GPC3: variants seen among roughly 807,000 people sequenced by gnomAD.
The protein encoded by GPC3 is glypican-3.
In GPC3, 3 loss-of-function variants were observed where a neutral mutation model predicts 34.4. The ratio of observed to expected loss-of-function variants is 0.09; its 90% CI spans 0.04 to 0.23. The LOEUF (loss-of-function observed/expected upper bound fraction) is 0.23. Among genes scored for constraint, GPC3 ranks in the 10% least tolerant of loss-of-function variants. The pLI is 1.00. For missense variants in GPC3, 351 were observed against 445.6 expected (o/e 0.79, Z 1.91); for synonymous variants, 177 against 174.0 (o/e 1.02, Z -0.13).
chrX:133,855,164 CTT>C (rs745814769), intron 2 of GPC3, among the ~76,000 whole-genome samples: 2 of 110,348 alleles, frequency 1.8e-5, no homozygotes, highest in African/African-American at 6.6e-5. Context: ...CTTCTCTTCT[CTT>C]GTCTTTTCTT....
chrX:133,629,542 C>T (rs369616430), intron 6 of GPC3, among the ~76,000 whole-genome samples: 2 of 108,985 alleles, frequency 1.8e-5, no homozygotes, highest in Non-Finnish European at 1.9e-5. Flanking sequence ...ACTACGGGCA[C>T]GCATCACCAT....
At chrX:133,654,524 C>A (rs1228032050) in intron 6 of GPC3, among the ~76,000 whole-genome samples, 1 of 110,751 alleles carries the variant, frequency 9.0e-6, no homozygotes. Context: ...CCAGCCTGGC[C>A]AACATGGTGA....
intron 2 of GPC3, among the ~76,000 whole-genome samples, chrX:133,795,755 T>C (rs1181546085): frequency 9.3e-6 from 1 of 107,701 alleles, no homozygotes; most frequent in Non-Finnish European, 2.0e-5. Flanking sequence ...ACTGCTACAA[T>C]AGGAAAAATG....
At chrX:133,890,755 G>C (rs1261172343) in intron 2 of GPC3, among the ~76,000 whole-genome samples, 1 of 107,838 alleles carries the variant, frequency 9.3e-6, no homozygotes, top group Non-Finnish European at 1.9e-5. Context: ...AGCTACTCAG[G>C]AGGCTGAGGT....
rs1176444823 is a variant in GPC3 at position 133,661,733 on chromosome X, G to A, written c.1410C>T (p.Asn470=). 8.8e-6 allele frequency: 10 copies of A among 1,136,138 alleles called. No homozygotes were observed. The highest frequency in any genetic ancestry group is 1.9e-5 in the African/African-American group (1 of 52,527). The allele number at this position is 1,136,138 out of a possible 1,213,427, so 93.6% of individuals were successfully genotyped here. The stretch of plus-strand genomic sequence containing the variant: ...TTATTTTTTATATTCCACATACCTG[G>A]TTAATGTGCTTCAGTTTGTCAATAA... ...SQIIDKLKHI[N]QLLRTMSMPK... is the part of the protein sequence containing the mutation. The change falls in exon 6 of 8, where the codon AAC becomes AAT. Residue 470 remains asparagine (N), a synonymous_variant. Transcript: ENST00000370818.
intron 2 of GPC3, among the ~76,000 whole-genome samples, chrX:133,877,915 A>G (rs1479025110): frequency 9.0e-6 from 1 of 111,128 alleles, no homozygotes; most frequent in African/African-American, 3.3e-5. Context: ...CAACATATTA[A>G]CCATTGAACC....
intron 6 of GPC3, among the ~76,000 whole-genome samples, chrX:133,632,110 AT>A (rs2070373698): frequency 1.8e-5 from 2 of 108,262 alleles, no homozygotes; most frequent in Non-Finnish European, 1.9e-5. Flanking sequence ...TTTTTAAAAA[AT>A]TTTTTTGAGA....
chrX:133,957,857 G>T (rs188675940), intron 1 of GPC3, among the ~76,000 whole-genome samples: 2,198 of 108,659 alleles, frequency 0.02, 21 homozygotes, highest in Non-Finnish European at 0.029. Flanking sequence ...TTTTTTTTTT[G>T]TAAAAATGGA....
At chrX:133,806,531 T>C (rs2075636388) in intron 2 of GPC3, among the ~76,000 whole-genome samples, 1 of 112,282 alleles carries the variant, frequency 8.9e-6, no homozygotes, top group South Asian at 3.7e-4. Context: ...CTTTTGTTTA[T>C]ACCTCAGTAA....
intron 1 of GPC3, among the ~76,000 whole-genome samples, chrX:133,984,376 A>G: frequency 8.8e-6 from 1 of 113,098 alleles, no homozygotes; most frequent in South Asian, 3.6e-4. Flanking sequence ...TAGGAGCCCA[A>G]CCGCTGGACA....
At chrX:133,812,780 G>GT (rs1349969915) in intron 2 of GPC3, among the ~76,000 whole-genome samples, 1 of 112,359 alleles carries the variant, frequency 8.9e-6, no homozygotes, top group African/African-American at 3.2e-5. Context: ...CTGGCTCCCT[G>GT]TGAGCCTCTC....
chrX:133,575,602 C>T (rs1308439780), intron 7 of GPC3, among the ~76,000 whole-genome samples: 1 of 111,851 alleles, frequency 8.9e-6, no homozygotes, highest in African/African-American at 3.3e-5. Flanking sequence ...AGCCTGGCTG[C>T]TTGCTCAGTC....
chrX:133,825,301 AGTTCTGCAGTAGCCTT>A (rs1235906372), intron 2 of GPC3, among the ~76,000 whole-genome samples: 2 of 112,236 alleles, frequency 1.8e-5, no homozygotes, highest in African/African-American at 6.5e-5. Context: ...CCTGCTCTCC[AGTTCTGCAGTAGCCTT>A]GAAAAATAAC....
At chrX:133,656,314 T>C (rs2070663945) in intron 6 of GPC3, among the ~76,000 whole-genome samples, 1 of 112,420 alleles carries the variant, frequency 8.9e-6, no homozygotes, top group Non-Finnish European at 1.9e-5. Context: ...TGCACATCTT[T>C]TCTATATAGA....
chrX:133,799,042 A>C (rs2075595900), intron 2 of GPC3, among the ~76,000 whole-genome samples: 1 of 111,983 alleles, frequency 8.9e-6, no homozygotes, highest in African/African-American at 3.2e-5. Flanking sequence ...CAGAACATTA[A>C]ACCAAGCACT....
intron 6 of GPC3, among the ~76,000 whole-genome samples, chrX:133,626,901 A>T (rs912470415): frequency 9.2e-6 from 1 of 108,194 alleles, no homozygotes; most frequent in Non-Finnish European, 1.9e-5. Flanking sequence ...AATAGCAAAG[A>T]CTTGGAACCA....
chrX:133,570,523 A>C (rs1016792272), intron 7 of GPC3, among the ~76,000 whole-genome samples: 1 of 112,798 alleles, frequency 8.9e-6, no homozygotes, highest in Non-Finnish European at 1.9e-5. Flanking sequence ...TTTAAAGCAG[A>C]GGTATAAACA....
intron 6 of GPC3, among the ~76,000 whole-genome samples, chrX:133,612,582 A>G (rs952218017): frequency 1.8e-5 from 2 of 111,264 alleles, no homozygotes; most frequent in African/African-American, 6.5e-5. Context: ...TGGCCCTTGA[A>G]TGCTCAATGT....
intron 6 of GPC3, among the ~76,000 whole-genome samples, chrX:133,596,870 T>C (rs371651242): frequency 2.7e-5 from 3 of 111,374 alleles, no homozygotes; most frequent in Admixed American, 9.6e-5. Context: ...GATCTTCTCA[T>C]ACCATGGTAT....
Sources: allele counts gnomAD v4.1 joint callset (sites outside exome capture counted in the v4.1 genomes callset), GRCh38; gene constraint gnomAD v4.1.1; transcripts MANE v1.5; gene names NCBI Gene and HGNC (gene_info 2026-07-23, HGNC 2026-07-21).